The following RSPH14 variants were observed in gnomAD, a reference collection of about 807,000 sequenced individuals.
RSPH14 encodes the protein radial spoke head 14 homolog.
RSPH14 carries 20 observed loss-of-function variants against 26.7 expected under a neutral mutation model. The ratio of observed to expected loss-of-function variants is 0.75; its 90% CI spans 0.53 to 1.09. The LOEUF (loss-of-function observed/expected upper bound fraction) is 1.09. Among genes scored for constraint, RSPH14 ranks in the 50% least tolerant of loss-of-function variants. The probability of loss-of-function intolerance (pLI) is 0.00; values close to 1 mark genes in which losing one functional copy is unlikely to be tolerated. For synonymous variants in RSPH14, 177 were observed against 189.3 expected, an observed-to-expected ratio of 0.93 and a Z score of 0.53; for missense variants, 449 against 457.2, an observed-to-expected ratio of 0.98 and a Z score of 0.16.
chr22:23,064,906 G>C (rs1194486089), intron 4 of RSPH14, among the ~76,000 whole-genome samples: 1 of 152,144 alleles, frequency 6.6e-6, no homozygotes, highest in Non-Finnish European at 1.5e-5. Flanking sequence ...AACCCAGCAC[G>C]AGTGGCATCC....
At chr22:23,123,692 AGACTT>A (rs1254808072) in intron 4 of RSPH14, 11 of 501,376 alleles carry the variant, frequency 2.2e-5, no homozygotes, top group Non-Finnish European at 3.6e-5. Context: ...GGTCTCTTGA[AGACTT>A]GAGAAGCTGT....
rs199547386 is a variant in RSPH14 at position 23,138,959 on chromosome 22, A to C, written c.200-17T>G. On this transcript the variant is annotated splice_polypyrimidine_tract_variant and intron_variant, in intron 2 of 6. Coordinates refer to ENST00000216036, the MANE Select transcript of RSPH14 (RefSeq NM_014433.3). ...CCATACAGCCTAGAAAAAAAAAAAA[A>C]AACAAACAAACCAACCCTTGAATTT... 75 of 1,524,988 alleles carry C rather than the reference A, an allele frequency of 4.9e-5. No homozygotes were observed. In the East Asian group the frequency reaches 1.3e-3, roughly 27 times the overall value. The allele number at this position is 1,524,988 out of a possible 1,614,324, so 94.5% of individuals were successfully genotyped here.
chr22:23,178,356 C>A, the RSPH14 span, among the ~76,000 whole-genome samples: 1 of 150,194 alleles, frequency 6.7e-6, no homozygotes, highest in Non-Finnish European at 1.5e-5. Flanking sequence ...GCAGAGGTTG[C>A]GGTGAGCAGA....
intron 4 of RSPH14, chr22:23,122,359 A>C (rs1384711791): frequency 1.3e-5 from 2 of 152,604 alleles, no homozygotes; most frequent in Non-Finnish European, 2.9e-5. Context: ...TGTCCTCTGC[A>C]TGTACTGAGA....
intron 4 of RSPH14, among the ~76,000 whole-genome samples, chr22:23,072,839 G>T (rs1399530009): frequency 6.6e-6 from 1 of 152,220 alleles, no homozygotes; most frequent in East Asian, 1.9e-4. Context: ...AGACCTGGAG[G>T]CCCCACCAGA....
At chr22:23,097,742 G>C (rs1486454726) in intron 4 of RSPH14, among the ~76,000 whole-genome samples, 1 of 152,280 alleles carries the variant, frequency 6.6e-6, no homozygotes, top group Non-Finnish European at 1.5e-5. Context: ...AGGCTCCCTT[G>C]ATGAGGCATG....
chr22:23,165,763 C>T, the RSPH14 span, among the ~76,000 whole-genome samples: 1 of 152,174 alleles, frequency 6.6e-6, no homozygotes, highest in African/African-American at 2.4e-5. Flanking sequence ...ATATGAGTGG[C>T]AGGTGGTGTG....
intron 4 of RSPH14, among the ~76,000 whole-genome samples, chr22:23,117,675 C>T (rs777250192): frequency 2.2e-4 from 34 of 152,342 alleles, no homozygotes; most frequent in Non-Finnish European, 4.1e-4. Flanking sequence ...GGGTTCTTCC[C>T]GTGTCAGCAC....
intron 4 of RSPH14, among the ~76,000 whole-genome samples, chr22:23,084,908 A>C (rs2068776976): frequency 6.6e-6 from 1 of 152,220 alleles, no homozygotes; most frequent in Non-Finnish European, 1.5e-5. Context: ...TCGCATGTCC[A>C]GGTGACATCG....
rs755976700 is a variant in RSPH14 at position 23,059,458 on chromosome 22, G to C, written c.*4C>G. ...TTATTCACTCACAGAGGTGAATGAA[G>C]GGCTCAGGGTTTGAACTCGATGACA... On this transcript the variant is annotated 3_prime_UTR_variant, in exon 7 of 7. Coordinates refer to ENST00000216036, the MANE Select transcript of RSPH14 (RefSeq NM_014433.3). 1 of 1,591,492 alleles carries C rather than the reference G, an allele frequency of 6.3e-7. No individual in the cohort carries two copies. Among genetic ancestry groups the C allele is most frequent in the South Asian group, 1.1e-5 (1 of 89,714 alleles).
Position 23,106,509 on chromosome 22 carries a change from C to A in RSPH14, c.421+27517G>T, listed in dbSNP as rs568559546. On this transcript the variant is annotated intron_variant, in intron 4 of 6. Coordinates refer to ENST00000216036, the MANE Select transcript of RSPH14 (RefSeq NM_014433.3). ...CTGTGGCCCAGGGTAGTCATGTGGA[C>A]TTGTGTCCATCTGGACTGCCCAGGT... 8.5e-5 allele frequency among the ~76,000 whole-genome samples: 13 copies of A among 152,222 alleles called. No homozygotes were observed. In the South Asian group the frequency reaches 2.7e-3, roughly 32 times the overall value.
intron 4 of RSPH14, among the ~76,000 whole-genome samples, chr22:23,090,259 C>G (rs2068932520): frequency 6.6e-6 from 1 of 152,146 alleles, no homozygotes; most frequent in Non-Finnish European, 1.5e-5. Flanking sequence ...CTTCAGCCTA[C>G]TGGCTGGTCC....
chr22:23,091,250 C>T lies in RSPH14; in HGVS notation c.422-27117G>A, dbSNP rs561712479. On this transcript the variant is annotated intron_variant, in intron 4 of 6. Transcript: ENST00000216036. ...CATGCACACACTGGCATACAAGCAA[C>T]CAGACACAGACACATCCATGCACCT... Among the ~76,000 whole-genome samples, 60 of 152,308 alleles carry T rather than the reference C, an allele frequency of 3.9e-4. 1 individual carries two copies. Among genetic ancestry groups the T allele is most frequent in the Non-Finnish European group, 7.6e-4 (52 of 68,026 alleles).
chr22:23,068,470 G>A (rs1453408400), intron 4 of RSPH14, among the ~76,000 whole-genome samples: 1 of 152,254 alleles, frequency 6.6e-6, no homozygotes, highest in Non-Finnish European at 1.5e-5. Context: ...TGGTGGAGGA[G>A]GCTATCTGTA....
intron 4 of RSPH14, among the ~76,000 whole-genome samples, chr22:23,074,994 C>G (rs1226934278): frequency 6.6e-6 from 1 of 152,202 alleles, no homozygotes; most frequent in Non-Finnish European, 1.5e-5. Flanking sequence ...ATGTAAGAGC[C>G]TGTCTCTACA....
chr22:23,136,206 G>T (rs2070480714), intron 3 of RSPH14: 2 of 707,094 alleles, frequency 2.8e-6, no homozygotes, highest in Admixed American at 4.1e-5. Flanking sequence ...AAGAGGGCAG[G>T]GAACAGGCTG....
chr22:23,131,719 A>C, intron 4 of RSPH14: 1 of 1,034,290 alleles, frequency 9.7e-7, no homozygotes, highest in Non-Finnish European at 1.3e-6. Context: ...TCAACCCAGC[A>C]CTGGTCCCCC....
At chr22:23,141,108 A>C (rs1393519737) in intron 1 of RSPH14, among the ~76,000 whole-genome samples, 1 of 152,148 alleles carries the variant, frequency 6.6e-6, no homozygotes, top group Non-Finnish European at 1.5e-5. Flanking sequence ...AGGCAGGCGG[A>C]TCACAAGGTC....
intron 1 of RSPH14, among the ~76,000 whole-genome samples, chr22:23,141,383 C>T (rs1000842015): frequency 1.3e-5 from 2 of 150,490 alleles, no homozygotes; most frequent in African/African-American, 4.9e-5. Flanking sequence ...CACACACACA[C>T]TTTCAGCAAC....
Sources: gnomAD v4.1 joint callset for allele counts (sites outside exome capture counted in the v4.1 genomes callset) on GRCh38, gnomAD v4.1.1 for gene constraint, MANE v1.5 for transcripts, NCBI Gene and HGNC (gene_info 2026-07-23, HGNC 2026-07-21) for gene names.